THSD7B: variants seen among roughly 807,000 people sequenced by gnomAD.
THSD7B encodes the protein thrombospondin type-1 domain-containing protein 7B.
A neutral mutation model predicts 213.6 loss-of-function variants in THSD7B; 138 were observed. The observed-to-expected ratio is 0.65, with a 90% CI of 0.56 to 0.74. The LOEUF (loss-of-function observed/expected upper bound fraction) is 0.74, where lower values mean the gene tolerates loss of function less well. THSD7B is among the 30% of genes least tolerant of loss of function. The probability of loss-of-function intolerance (pLI) is 0.00; values close to 1 mark genes in which losing one functional copy is unlikely to be tolerated. For synonymous variants in THSD7B, 742 were observed against 687.0 expected (o/e 1.08, Z -1.25); for missense variants, 1,931 against 1,991.5 (o/e 0.97, Z 0.58).
At chr2:137,117,548 T>C (rs962181645) in intron 5 of THSD7B, among the ~76,000 whole-genome samples, 1 of 152,140 alleles carries the variant, frequency 6.6e-6, no homozygotes, top group African/African-American at 2.4e-5. Flanking sequence ...GAAATTCCTT[T>C]GTGAGTCACT....
intron 17 of THSD7B, among the ~76,000 whole-genome samples, chr2:137,590,475 T>C (rs947443301): frequency 1.3e-5 from 2 of 152,186 alleles, no homozygotes; most frequent in African/African-American, 4.8e-5. Context: ...ATTTTAGACT[T>C]TCTTGATTGA....
intron 2 of THSD7B, among the ~76,000 whole-genome samples, chr2:136,968,797 C>T (rs1685360461): frequency 1.3e-5 from 2 of 152,028 alleles, no homozygotes; most frequent in Admixed American, 6.6e-5. Context: ...AGCCTTTAAA[C>T]TTTTTTGGTT....
At chr2:137,119,670 T>A (rs1253258356) in intron 5 of THSD7B, among the ~76,000 whole-genome samples, 1 of 152,142 alleles carries the variant, frequency 6.6e-6, no homozygotes, top group East Asian at 1.9e-4. Flanking sequence ...AGTAAGACTT[T>A]GTTTTTGAGA....
chr2:137,176,586 T>G (rs1680362200), intron 7 of THSD7B, among the ~76,000 whole-genome samples: 1 of 152,166 alleles, frequency 6.6e-6, no homozygotes, highest in Non-Finnish European at 1.5e-5. Context: ...GCACACACCT[T>G]TGTTTCCTGC....
chr2:136,819,932 C>G (rs1682542250), intron 1 of THSD7B, among the ~76,000 whole-genome samples: 1 of 152,060 alleles, frequency 6.6e-6, no homozygotes, highest in African/African-American at 2.4e-5. Flanking sequence ...TTTGCTAGGC[C>G]TAATGTCTGG....
chr2:137,117,328 G>A (rs952593119), intron 5 of THSD7B, among the ~76,000 whole-genome samples: 2 of 152,142 alleles, frequency 1.3e-5, no homozygotes, highest in South Asian at 4.1e-4. Flanking sequence ...AGGAACAATT[G>A]AATTTTTATT....
chr2:137,238,006 C>T (rs988869376), intron 9 of THSD7B, among the ~76,000 whole-genome samples: 1 of 152,176 alleles, frequency 6.6e-6, no homozygotes, highest in African/African-American at 2.4e-5. Flanking sequence ...TACTCTTTCT[C>T]TCTTTCAGAC....
chr2:137,595,469 T>C (rs1215638438), intron 17 of THSD7B, among the ~76,000 whole-genome samples: 1 of 151,966 alleles, frequency 6.6e-6, no homozygotes, highest in Non-Finnish European at 1.5e-5. Flanking sequence ...CAGGGATAAA[T>C]ACTTTCAAAG....
intron 20 of THSD7B, among the ~76,000 whole-genome samples, chr2:137,627,788 A>G (rs1682659354): frequency 6.6e-6 from 1 of 152,234 alleles, no homozygotes; most frequent in African/African-American, 2.4e-5. Flanking sequence ...ATGTCCAACA[A>G]TAATATGTAA....
chr2:137,167,712 T>C (rs1000068259), intron 6 of THSD7B, among the ~76,000 whole-genome samples: 4 of 152,162 alleles, frequency 2.6e-5, no homozygotes, highest in East Asian at 1.9e-4. Context: ...CTTGGAGTCA[T>C]AGAAAAAAAT....
intron 12 of THSD7B, among the ~76,000 whole-genome samples, chr2:137,342,490 C>T (rs903210475): frequency 4.6e-5 from 7 of 151,416 alleles, no homozygotes; most frequent in East Asian, 1.9e-4. Flanking sequence ...TTTCCTATGT[C>T]GATGCCTTTT....
rs185013106 is a variant in THSD7B at position 137,361,284 on chromosome 2, C to A, written c.2501-44329C>A. Among the ~76,000 whole-genome samples, 196 of 152,284 alleles carry A rather than the reference C, an allele frequency of 1.3e-3. 5 individuals are homozygous for A. The highest frequency in any genetic ancestry group is 8.9e-3 in the Admixed American group (136 of 15,294). On this transcript the variant is annotated intron_variant, in intron 12 of 27. Transcript: ENST00000409968. ...CCACAAAGATGGCGAGGAACCAGAGCAGAAAAGCTGAAAGTTCTAAAAACC... is the reference window on the plus strand; with the variant it reads ...CCACAAAGATGGCGAGGAACCAGAGAAGAAAAGCTGAAAGTTCTAAAAACC...
At chr2:136,963,471 A>C (rs1685259924) in intron 2 of THSD7B, among the ~76,000 whole-genome samples, 1 of 152,090 alleles carries the variant, frequency 6.6e-6, no homozygotes, top group Non-Finnish European at 1.5e-5. Flanking sequence ...AGTGAGATCC[A>C]TCTCTAAAAT....
At chr2:137,546,335 C>A (rs1680706558) in intron 15 of THSD7B, among the ~76,000 whole-genome samples, 1 of 100,178 alleles carries the variant, frequency 1.0e-5, no homozygotes, top group African/African-American at 3.9e-5. Flanking sequence ...TTCATGCATT[C>A]AGTATTGAAG....
intron 15 of THSD7B, among the ~76,000 whole-genome samples, chr2:137,463,076 A>G (rs545103583): frequency 1.7e-4 from 26 of 152,268 alleles, no homozygotes; most frequent in African/African-American, 6.3e-4. Flanking sequence ...ACAGTACAGT[A>G]TTTGAGCTTG....
At chr2:136,966,723 C>A (rs567120609) in intron 2 of THSD7B, among the ~76,000 whole-genome samples, 2 of 152,094 alleles carry the variant, frequency 1.3e-5, no homozygotes, top group Non-Finnish European at 2.9e-5. Flanking sequence ...TTTTCCGTGT[C>A]GTCTTTGCTG....
intron 17 of THSD7B, among the ~76,000 whole-genome samples, chr2:137,614,228 G>A (rs1474151879): frequency 1.3e-5 from 2 of 152,124 alleles, no homozygotes; most frequent in Non-Finnish European, 2.9e-5. Context: ...ATACACATAT[G>A]GACTGTGAGA....
chr2:137,663,064 A>G (rs1225754638), intron 25 of THSD7B, among the ~76,000 whole-genome samples: 1 of 115,960 alleles, frequency 8.6e-6, no homozygotes, highest in East Asian at 2.3e-4. Flanking sequence ...AACTCCATCT[A>G]AAAAAAAAAA....
chr2:136,984,512 A>G (rs1685638266), intron 2 of THSD7B, among the ~76,000 whole-genome samples: 1 of 152,116 alleles, frequency 6.6e-6, no homozygotes, highest in Non-Finnish European at 1.5e-5. Flanking sequence ...CATGGTTGTA[A>G]GCCTCCTGGG....
Sources: allele counts gnomAD v4.1 joint callset (sites outside exome capture counted in the v4.1 genomes callset), GRCh38; gene constraint gnomAD v4.1.1; transcripts MANE v1.5; gene names NCBI Gene and HGNC (gene_info 2026-07-23, HGNC 2026-07-21).